Variants in FTO observed in about 807,000 individuals in gnomAD.
FTO encodes the protein alpha-ketoglutarate-dependent dioxygenase FTO.
A neutral mutation model predicts 63.9 loss-of-function variants in FTO; 47 were observed. The observed-to-expected ratio is 0.74, with a 90% confidence interval of 0.58 to 0.94. The LOEUF (loss-of-function observed/expected upper bound fraction) is 0.94. Among genes scored for constraint, FTO ranks in the 40% least tolerant of loss-of-function variants. The pLI is 0.00. For synonymous variants in FTO, 207 were observed against 224.4 expected (o/e 0.92, Z 0.69); for missense variants, 562 against 618.1 (o/e 0.91, Z 0.96).
intron 1 of FTO, among the ~76,000 whole-genome samples, chr16:53,707,422 A>G (rs944149358): frequency 3.9e-5 from 6 of 152,206 alleles, no homozygotes; most frequent in Admixed American, 2.0e-4. Context: ...AAGAGCCTCA[A>G]CTTAATTACA....
chr16:53,802,702 C>T lies in FTO; in HGVS notation c.46-7438C>T, dbSNP rs76474570. On this transcript the variant is annotated intron_variant, in intron 1 of 8. Transcript: ENST00000471389. ...TGTATTAATCTGCTTAAAATCATCC[C>T]ATAGCTCACTGATGCTCTGTTAACC... Among the ~76,000 whole-genome samples, 20 of 152,288 alleles carry T rather than the reference C, an allele frequency of 1.3e-4. No homozygotes were observed. The East Asian group carries it at 3.9e-3, about 29-fold the overall frequency.
At chr16:53,819,225 G>A (rs771378735) in intron 2 of FTO, among the ~76,000 whole-genome samples, 3 of 152,094 alleles carry the variant, frequency 2.0e-5, no homozygotes, top group Non-Finnish European at 4.4e-5. Context: ...GTCTCACTCT[G>A]TGGCCCAGGC....
At chr16:54,012,442 T>G (rs2084352785) in intron 8 of FTO, among the ~76,000 whole-genome samples, 1 of 152,234 alleles carries the variant, frequency 6.6e-6, no homozygotes, top group African/African-American at 2.4e-5. Flanking sequence ...CAGCAAGTGC[T>G]GATACAGAGG....
intron 8 of FTO, among the ~76,000 whole-genome samples, chr16:54,035,090 A>G (rs963221952): frequency 1.3e-5 from 2 of 152,248 alleles, no homozygotes; most frequent in Non-Finnish European, 2.9e-5. Context: ...GAATTCATAC[A>G]TCTTTCAAAG....
chr16:53,723,960 G>T (rs1374931977), intron 1 of FTO, among the ~76,000 whole-genome samples: 2 of 152,194 alleles, frequency 1.3e-5, no homozygotes, highest in African/African-American at 4.8e-5. Flanking sequence ...GCATCGTCTT[G>T]AAAAGTTCTT....
At chr16:53,834,285 A>G (rs2079228662) in intron 3 of FTO, among the ~76,000 whole-genome samples, 1 of 152,142 alleles carries the variant, frequency 6.6e-6, no homozygotes, top group Non-Finnish European at 1.5e-5. Flanking sequence ...CGGCCTCCCA[A>G]AGTGCTGGGA....
chr16:53,889,274 TA>T (rs2081087554), intron 7 of FTO, among the ~76,000 whole-genome samples: 1 of 152,250 alleles, frequency 6.6e-6, no homozygotes, highest in African/African-American at 2.4e-5. Context: ...GTTTTCTCAG[TA>T]TTAACTTTAA....
intron 8 of FTO, among the ~76,000 whole-genome samples, chr16:54,021,179 C>T (rs2084589937): frequency 2.0e-5 from 3 of 152,046 alleles, no homozygotes; most frequent in African/African-American, 7.2e-5. Flanking sequence ...GTGCTTCTTC[C>T]ACTCTCCTCT....
chr16:54,085,001 G>C (rs115434499), intron 8 of FTO, among the ~76,000 whole-genome samples: 3 of 152,112 alleles, frequency 2.0e-5, no homozygotes, highest in Non-Finnish European at 4.4e-5. Flanking sequence ...GAAGTCAAAG[G>C]TCCAAGGTAA....
chr16:53,733,165 C>T (rs973114410), intron 1 of FTO, among the ~76,000 whole-genome samples: 2 of 152,142 alleles, frequency 1.3e-5, no homozygotes, highest in Non-Finnish European at 1.5e-5. Context: ...TTTGGGAGGC[C>T]GAGGCGGGAG....
rs748674354 is a variant in FTO at position 53,761,531 on chromosome 16, C to CT, written c.46-48605dup. On this transcript the variant is annotated intron_variant, in intron 1 of 8. Transcript: ENST00000471389. ...ATCATTAATTTGTATGTCAGAGTTT[C>CT]TTTTCCTGAGGTTTATTTGAAAATC... 4.6e-5 allele frequency among the ~76,000 whole-genome samples: 7 copies of CT among 152,184 alleles called. No individual in the cohort carries two copies. The South Asian group carries it at 1.4e-3, about 32-fold the overall frequency.
intron 8 of FTO, among the ~76,000 whole-genome samples, chr16:54,103,170 G>C (rs2086675276): frequency 6.6e-6 from 1 of 152,014 alleles, no homozygotes; most frequent in Non-Finnish European, 1.5e-5. Flanking sequence ...GAAAGAAAGA[G>C]TTCTTGAAAA....
intron 8 of FTO, among the ~76,000 whole-genome samples, chr16:54,054,186 C>T (rs1323407101): frequency 1.3e-5 from 2 of 152,168 alleles, no homozygotes; most frequent in Admixed American, 6.5e-5. Context: ...ACAGCTGCTA[C>T]GAGTCCCAGG....
chr16:53,888,433 T>TTTTAAAAATAA (rs1283533485), intron 6 of FTO, among the ~76,000 whole-genome samples: 2 of 151,372 alleles, frequency 1.3e-5, no homozygotes, highest in East Asian at 2.0e-4. Context: ...GCCAATTTAT[T>TTTTAAAAATAA]AGTAGCTTGG....
At chr16:54,069,373 A>G (rs1453977100) in intron 8 of FTO, among the ~76,000 whole-genome samples, 2 of 152,146 alleles carry the variant, frequency 1.3e-5, no homozygotes, top group Non-Finnish European at 2.9e-5. Context: ...GGGAGAGCCT[A>G]CCTAATCTAG....
intron 8 of FTO, among the ~76,000 whole-genome samples, chr16:53,995,795 A>C (rs1403127060): frequency 6.6e-6 from 1 of 152,114 alleles, no homozygotes; most frequent in African/African-American, 2.4e-5. Context: ...TGAGATGGTA[A>C]ATCACGCTTG....
chr16:53,856,767 T>G (rs990127710), intron 4 of FTO, among the ~76,000 whole-genome samples: 8 of 150,952 alleles, frequency 5.3e-5, no homozygotes, highest in Middle Eastern at 3.4e-3. Flanking sequence ...AAAACAAGCA[T>G]GGAGGTGAAG....
At chr16:53,951,910 A>G (rs1431068995) in intron 8 of FTO, among the ~76,000 whole-genome samples, 1 of 152,160 alleles carries the variant, frequency 6.6e-6, no homozygotes, top group Non-Finnish European at 1.5e-5. Flanking sequence ...GGATCACATC[A>G]TCAAAGTTTA....
At chr16:53,991,948 A>T (rs1246537230) in intron 8 of FTO, 1 of 152,162 alleles carries the variant, frequency 6.6e-6, no homozygotes, top group East Asian at 1.9e-4. Flanking sequence ...ATGGGGAAGA[A>T]AACCACACTT....
Sources: gnomAD v4.1 joint callset for allele counts (sites outside exome capture counted in the v4.1 genomes callset) on GRCh38, gnomAD v4.1.1 for gene constraint, MANE v1.5 for transcripts, NCBI Gene and HGNC (gene_info 2026-07-23, HGNC 2026-07-21) for gene names.